Variants in SHISA9 observed in about 807,000 individuals in gnomAD.
SHISA9 encodes the protein shisa family member 9.
In SHISA9, 13 loss-of-function variants were observed where a neutral mutation model predicts 38.0. The ratio of observed to expected loss-of-function variants is 0.34; its 90% CI spans 0.22 to 0.54. SHISA9 has a LOEUF of 0.54. SHISA9 is among the 20% of genes least tolerant of loss of function. The pLI is 0.91. For synonymous variants in SHISA9, 275 were observed against 242.0 expected (o/e 1.14, Z -1.27); for missense variants, 538 against 575.8 (o/e 0.93, Z 0.67).
chr16:13,396,328 G>A, the SHISA9 span, among the ~76,000 whole-genome samples: 17 of 152,300 alleles, frequency 1.1e-4, no homozygotes, highest in South Asian at 2.1e-4. Flanking sequence ...CCAACATGGC[G>A]AAACCCCATC....
the SHISA9 span, among the ~76,000 whole-genome samples, chr16:13,418,893 A>G: frequency 6.6e-6 from 1 of 152,200 alleles, no homozygotes; most frequent in African/African-American, 2.4e-5. Flanking sequence ...AGCACATTGC[A>G]CCTTCCTTAG....
intron 2 of SHISA9, among the ~76,000 whole-genome samples, chr16:13,098,628 A>C (rs1398411175): frequency 6.6e-6 from 1 of 152,236 alleles, no homozygotes; most frequent in Non-Finnish European, 1.5e-5. Flanking sequence ...ATCAACCCAA[A>C]GGACTTGAGT....
the SHISA9 span, among the ~76,000 whole-genome samples, chr16:13,560,775 A>G: frequency 6.6e-6 from 1 of 151,792 alleles, no homozygotes; most frequent in Non-Finnish European, 1.5e-5. Context: ...AAAAAAGCAG[A>G]AAGGAGAAGA....
At chr16:13,337,702 G>A in the SHISA9 span, among the ~76,000 whole-genome samples, 1 of 152,196 alleles carries the variant, frequency 6.6e-6, no homozygotes, top group Non-Finnish European at 1.5e-5. Flanking sequence ...ATGTTGAATT[G>A]TAACCTGCAG....
intron 2 of SHISA9, among the ~76,000 whole-genome samples, chr16:13,069,312 T>G (rs980532818): frequency 6.6e-6 from 1 of 152,080 alleles, no homozygotes; most frequent in African/African-American, 2.4e-5. Context: ...TATATGTGTA[T>G]ACATGTACAC....
At chr16:13,222,792 GTA>G (rs745719678) in intron 4 of SHISA9, among the ~76,000 whole-genome samples, 166 of 63,040 alleles carry the variant, frequency 2.6e-3, no homozygotes, top group East Asian at 0.019. Flanking sequence ...GTGTGTGTAT[GTA>G]TATATATATA....
At chr16:13,039,437 T>G (rs1452188532) in intron 2 of SHISA9, among the ~76,000 whole-genome samples, 1 of 151,560 alleles carries the variant, frequency 6.6e-6, no homozygotes, top group Non-Finnish European at 1.5e-5. Flanking sequence ...ATCCCCAGCT[T>G]CATTATTTGC....
At chr16:13,275,319 A>G in the SHISA9 span, among the ~76,000 whole-genome samples, 1 of 152,124 alleles carries the variant, frequency 6.6e-6, no homozygotes, top group Non-Finnish European at 1.5e-5. Context: ...GTTCAACACT[A>G]TATTCTATTA....
At chr16:13,377,266 A>G in the SHISA9 span, among the ~76,000 whole-genome samples, 5 of 152,222 alleles carry the variant, frequency 3.3e-5, no homozygotes, top group African/African-American at 1.2e-4. Context: ...AAAGAAAGCT[A>G]TGGGCTGATC....
At chr16:13,551,386 C>T in the SHISA9 span, among the ~76,000 whole-genome samples, 1,356 of 152,228 alleles carry the variant, frequency 8.9e-3, 6 homozygotes, top group Non-Finnish European at 0.012. Context: ...GTATGCATCC[C>T]GACACACTTT....
At chr16:13,262,650 A>G in the SHISA9 span, among the ~76,000 whole-genome samples, 1 of 54,024 alleles carries the variant, frequency 1.9e-5, no homozygotes, top group African/African-American at 7.7e-5. Flanking sequence ...GGAAGGAAGG[A>G]AGGAAGGAAG....
At chr16:13,096,413 A>C (rs1301186487) in intron 2 of SHISA9, among the ~76,000 whole-genome samples, 1 of 152,172 alleles carries the variant, frequency 6.6e-6, no homozygotes, top group Admixed American at 6.5e-5. Context: ...TTAAAGCAAT[A>C]ATCATTTACC....
chr16:13,252,166 G>T, the SHISA9 span, among the ~76,000 whole-genome samples: 1 of 152,118 alleles, frequency 6.6e-6, no homozygotes, highest in Non-Finnish European at 1.5e-5. Context: ...ATGCCTCTCT[G>T]CCTTCCTGTT....
chr16:13,070,334 C>T (rs898157922), intron 2 of SHISA9, among the ~76,000 whole-genome samples: 5 of 152,178 alleles, frequency 3.3e-5, no homozygotes, highest in African/African-American at 9.7e-5. Flanking sequence ...TGCCCAGCAC[C>T]CAGTCTCTGT....
intron 2 of SHISA9, among the ~76,000 whole-genome samples, chr16:13,123,544 A>G (rs992758966): frequency 1.3e-5 from 2 of 152,270 alleles, no homozygotes; most frequent in Non-Finnish European, 2.9e-5. Context: ...GCTATACTGA[A>G]TGGCACAGAT....
intron 1 of SHISA9, among the ~76,000 whole-genome samples, chr16:12,915,044 A>G (rs2071236459): frequency 1.3e-5 from 2 of 152,120 alleles, no homozygotes; most frequent in Admixed American, 1.3e-4. Flanking sequence ...TCTGTCTCCC[A>G]GTGTGTGGGC....
chr16:13,413,778 A>G, the SHISA9 span, among the ~76,000 whole-genome samples: 1 of 151,156 alleles, frequency 6.6e-6, no homozygotes, highest in Non-Finnish European at 1.5e-5. Flanking sequence ...AAAAAAAAAA[A>G]AAAAAAAGAC....
At chr16:12,936,159 G>T (rs920710827) in intron 2 of SHISA9, among the ~76,000 whole-genome samples, 3 of 152,098 alleles carry the variant, frequency 2.0e-5, no homozygotes, top group Non-Finnish European at 4.4e-5. Flanking sequence ...TTGGGATGAC[G>T]GGTGAGAAAG....
intron 2 of SHISA9, among the ~76,000 whole-genome samples, chr16:12,967,386 A>C (rs1379298723): frequency 6.6e-6 from 1 of 152,100 alleles, no homozygotes; most frequent in Non-Finnish European, 1.5e-5. Context: ...AGGAAGGGGA[A>C]CATCACATAC....
Sources: gnomAD v4.1 joint callset for allele counts (sites outside exome capture counted in the v4.1 genomes callset) on GRCh38, gnomAD v4.1.1 for gene constraint, MANE v1.5 for transcripts, NCBI Gene and HGNC (gene_info 2026-07-23, HGNC 2026-07-21) for gene names.